The following GABBR2 variants were observed in gnomAD, a reference collection of about 807,000 sequenced individuals.
GABBR2 encodes the protein gamma-aminobutyric acid type B receptor subunit 2.
In GABBR2, 23 loss-of-function variants were observed where a neutral mutation model predicts 105.6. That is an observed-to-expected ratio of 0.22 (90% CI 0.16 to 0.31). The LOEUF is 0.31. Ranked by LOEUF, GABBR2 falls within the 10% of genes least tolerant of loss-of-function variation. GABBR2 has a pLI of 1.00. For missense variants in GABBR2, 734 were observed against 1,245.5 expected (o/e 0.59, Z 6.18); for synonymous variants, 478 against 499.7 (o/e 0.96, Z 0.58).
intron 7 of GABBR2, among the ~76,000 whole-genome samples, chr9:98,429,117 T>G (rs984117498): frequency 2.7e-5 from 4 of 145,842 alleles, no homozygotes; most frequent in African/African-American, 7.8e-5. Flanking sequence ...TCACCCAGGT[T>G]TTTGGTGTGT....
Position 98,708,808 on chromosome 9 carries a change from A to C in GABBR2, c.-71T>G, listed in dbSNP as rs1830940313. 1.1e-6 allele frequency: 1 copy of C among 929,966 alleles called. No homozygotes were observed. The highest frequency in any genetic ancestry group is 1.3e-6 in the Non-Finnish European group (1 of 783,204). The allele number at this position is 929,966 out of a possible 1,614,324, so 57.6% of individuals were successfully genotyped here. A position where few individuals can be genotyped will look rare whatever the true frequency, so the allele number is the denominator to read the frequency against. On this transcript the variant is annotated 5_prime_UTR_variant, in exon 1 of 19. Transcript: ENST00000259455. ...CTGGCCCGGCCCGCCGCCCCGCGCC[A>C]AGGTCTTCCCGCGGCGCCCGCGCAA... is the stretch of plus-strand genomic sequence containing the variant.
At chr9:98,608,234 T>C in intron 1 of GABBR2, 1 of 708,908 alleles carries the variant, frequency 1.4e-6, no homozygotes, top group Non-Finnish European at 2.4e-6. Context: ...GTTTTATCTA[T>C]AATGATGGAT....
At chr9:98,415,550 C>A (rs957359745) in intron 7 of GABBR2, among the ~76,000 whole-genome samples, 1 of 152,216 alleles carries the variant, frequency 6.6e-6, no homozygotes, top group South Asian at 2.1e-4. Context: ...GCCTTTTCAT[C>A]TCTGTGCTCA....
intron 15 of GABBR2, among the ~76,000 whole-genome samples, chr9:98,304,694 C>T (rs1370912408): frequency 6.6e-6 from 1 of 152,188 alleles, no homozygotes; most frequent in African/African-American, 2.4e-5. Flanking sequence ...GATCTTTCCT[C>T]TCCCCTGCTC....
intron 6 of GABBR2, among the ~76,000 whole-genome samples, chr9:98,464,527 TG>T (rs1360130573): frequency 6.7e-6 from 1 of 148,322 alleles, no homozygotes; most frequent in Non-Finnish European, 1.5e-5. Flanking sequence ...GTCTGGGAGG[TG>T]GGGGGCGCCT....
chr9:98,446,807 C>T (rs1483858036), intron 7 of GABBR2, among the ~76,000 whole-genome samples: 1 of 152,132 alleles, frequency 6.6e-6, no homozygotes, highest in East Asian at 1.9e-4. Flanking sequence ...GCCCCATGTT[C>T]TAGGGCTCCC....
intron 3 of GABBR2, among the ~76,000 whole-genome samples, chr9:98,509,702 A>G (rs1052965764): frequency 1.3e-5 from 2 of 152,230 alleles, no homozygotes; most frequent in African/African-American, 2.4e-5. Flanking sequence ...AAATGAAGTG[A>G]GAAGAGAAGT....
At chr9:98,569,024 G>A (rs1309265984) in intron 2 of GABBR2, among the ~76,000 whole-genome samples, 1 of 151,998 alleles carries the variant, frequency 6.6e-6, no homozygotes, top group Admixed American at 6.6e-5. Flanking sequence ...TGTTTTTAAT[G>A]AATCCAGAAG....
chr9:98,531,135 G>T (rs1828059845), intron 3 of GABBR2, among the ~76,000 whole-genome samples: 1 of 152,108 alleles, frequency 6.6e-6, no homozygotes, highest in Non-Finnish European at 1.5e-5. Flanking sequence ...TTGAGTGGAG[G>T]ATATATTTAT....
At chr9:98,529,762 C>G (rs561635731) in intron 3 of GABBR2, among the ~76,000 whole-genome samples, 194 of 152,298 alleles carry the variant, frequency 1.3e-3, no homozygotes, top group African/African-American at 4.5e-3. Context: ...CTCTGGTCTG[C>G]TCCTCCCAAT....
intron 2 of GABBR2, among the ~76,000 whole-genome samples, chr9:98,546,766 A>AAATATTGCAAAAATAAAGTTCAAGTCAG (rs1588222267): frequency 6.9e-5 from 9 of 130,846 alleles, no homozygotes; most frequent in Admixed American, 4.0e-4. Flanking sequence ...TTATCATCTC[A>AAATATTGCAAAAATAAAGTTCAAGTCAG]TTGGCCATCT....
chr9:98,508,709 C>G (rs1157639841), intron 3 of GABBR2, among the ~76,000 whole-genome samples: 3 of 152,104 alleles, frequency 2.0e-5, no homozygotes, highest in South Asian at 2.1e-4. Flanking sequence ...AACAGCGAGG[C>G]TGGGGGAGGG....
chr9:98,644,857 G>C (rs1830011121), intron 1 of GABBR2, among the ~76,000 whole-genome samples: 1 of 152,076 alleles, frequency 6.6e-6, no homozygotes, highest in East Asian at 1.9e-4. Flanking sequence ...AAAAACAAAA[G>C]AAGATACTGG....
chr9:98,373,709 T>C (rs1043590378), intron 11 of GABBR2, among the ~76,000 whole-genome samples: 2 of 152,160 alleles, frequency 1.3e-5, no homozygotes, highest in Non-Finnish European at 2.9e-5. Context: ...CTTGAACATG[T>C]TTAATTTTAC....
At chr9:98,672,035 G>C (rs1048737281) in intron 1 of GABBR2, among the ~76,000 whole-genome samples, 2 of 152,140 alleles carry the variant, frequency 1.3e-5, no homozygotes, top group Admixed American at 1.3e-4. Context: ...AGAGAACCCA[G>C]AAATATAATT....
chr9:98,503,077 G>C (rs926859334), intron 3 of GABBR2, among the ~76,000 whole-genome samples: 4 of 152,220 alleles, frequency 2.6e-5, no homozygotes, highest in Middle Eastern at 3.2e-3. Flanking sequence ...CCCAGGGAAT[G>C]TGTAAATGTT....
At chr9:98,606,172 A>T (rs1285227268) in intron 1 of GABBR2, among the ~76,000 whole-genome samples, 4 of 152,186 alleles carry the variant, frequency 2.6e-5, no homozygotes, top group Non-Finnish European at 5.9e-5. Flanking sequence ...CCAGTGTATC[A>T]TTGAGGGACA....
At chr9:98,652,886 G>A (rs1021014946) in intron 1 of GABBR2, among the ~76,000 whole-genome samples, 8 of 152,324 alleles carry the variant, frequency 5.3e-5, no homozygotes, top group East Asian at 3.9e-4. Flanking sequence ...CATTTAAATC[G>A]CCAGGGAAGC....
chr9:98,355,761 T>C (rs1437113351), intron 13 of GABBR2, among the ~76,000 whole-genome samples: 4 of 152,136 alleles, frequency 2.6e-5, no homozygotes, highest in Admixed American at 2.6e-4. Context: ...ACCCAGAAGA[T>C]CTCACACAAC....
Sources: allele counts gnomAD v4.1 joint callset (sites outside exome capture counted in the v4.1 genomes callset), GRCh38; gene constraint gnomAD v4.1.1; transcripts MANE v1.5; gene names NCBI Gene and HGNC (gene_info 2026-07-23, HGNC 2026-07-21).